The following TEX28 variants were observed in gnomAD, a reference collection of about 807,000 sequenced individuals.
TEX28 encodes testis expressed 28.
chrX:154,294,943 C>G (rs370038453), upstream of TEX28: 1 of 112,633 alleles, frequency 8.9e-6, no homozygotes, highest in East Asian at 2.8e-4. Flanking sequence ...AGAGACAGCA[C>G]TTGGGATCCG....
chrX:154,294,332 G>A (rs1557163137), upstream of TEX28, among the ~76,000 whole-genome samples: 1 of 101,169 alleles, frequency 9.9e-6, no homozygotes, highest in South Asian at 4.4e-4. Context: ...CTCCCAAAGT[G>A]CTGGGATTAC....
chrX:154,293,255 T>A (rs1217958491), upstream of TEX28, among the ~76,000 whole-genome samples: 7 of 50,152 alleles, frequency 1.4e-4, no homozygotes, highest in Non-Finnish European at 2.0e-4. Flanking sequence ...AAAAAAAAAG[T>A]AATCACTAGA....
At chrX:154,294,469 T>C (rs111764214), upstream of TEX28, among the ~76,000 whole-genome samples, 11,947 of 107,143 alleles carry the variant, frequency 0.11, 1,691 homozygotes, top group African/African-American at 0.38. Context: ...CGGATTCAAG[T>C]GATTCTCCTG....
At chrX:154,293,693 GA>G (rs1242545582), upstream of TEX28, among the ~76,000 whole-genome samples, 3 of 53,772 alleles carry the variant, frequency 5.6e-5, no homozygotes, top group Non-Finnish European at 8.9e-5. Context: ...AAGCAAACAA[GA>G]AAAAAAAAGG....
upstream of TEX28, among the ~76,000 whole-genome samples, chrX:154,294,611 G>A (rs1485992450): frequency 1.8e-5 from 2 of 108,707 alleles, no homozygotes; most frequent in African/African-American, 6.7e-5. Flanking sequence ...AGACCAACCT[G>A]GCCAACATGG....
chrX:154,294,213 G>A (rs1373676779), upstream of TEX28, among the ~76,000 whole-genome samples: 1 of 108,194 alleles, frequency 9.2e-6, no homozygotes, highest in African/African-American at 3.4e-5. Context: ...TGGGAGTACA[G>A]GTATGTGCCA....
chrX:154,294,587 A>C (rs1471059004), upstream of TEX28, among the ~76,000 whole-genome samples: 1 of 81,273 alleles, frequency 1.2e-5, no homozygotes, highest in East Asian at 4.2e-4. Flanking sequence ...AGATCACCTG[A>C]GGTCAGGAGT....
At chrX:154,294,630 C>T (rs144618437), upstream of TEX28, among the ~76,000 whole-genome samples, 11,421 of 108,556 alleles carry the variant, frequency 0.11, 625 homozygotes, top group South Asian at 0.43. Flanking sequence ...GGTGAAAACC[C>T]GTCTCTACTA....
upstream of TEX28, among the ~76,000 whole-genome samples, chrX:154,294,173 C>T (rs1557163094): frequency 9.6e-6 from 1 of 103,974 alleles, no homozygotes; most frequent in Non-Finnish European, 2.0e-5. Context: ...CAGGTACAAG[C>T]GATTCTCCTG....
upstream of TEX28, among the ~76,000 whole-genome samples, chrX:154,294,453 G>C (rs1394179187): frequency 9.4e-6 from 1 of 106,456 alleles, no homozygotes; most frequent in Non-Finnish European, 1.9e-5. Flanking sequence ...TGCAACCTCC[G>C]CTTCCCGGAT....
upstream of TEX28, chrX:154,295,005 T>G (rs1557163680): frequency 9.0e-6 from 1 of 111,678 alleles, no homozygotes; most frequent in Non-Finnish European, 1.9e-5. Flanking sequence ...TTGGGAGCCA[T>G]GCGAGTTCTG....
chrX:154,294,134 G>C (rs1234335821), upstream of TEX28, among the ~76,000 whole-genome samples: 2 of 96,941 alleles, frequency 2.1e-5, no homozygotes, highest in African/African-American at 3.8e-5. Context: ...GCAATGGCTC[G>C]ATCTTGGCTC....
upstream of TEX28, among the ~76,000 whole-genome samples, chrX:154,292,977 A>C (rs1339175001): frequency 2.8e-4 from 1 of 3,607 alleles, no homozygotes; most frequent in East Asian, 4.1e-3. Context: ...GGTGGCTCAC[A>C]GCTGTAATCC....
chrX:154,294,108 T>C (rs1393448996), upstream of TEX28, among the ~76,000 whole-genome samples: 4 of 94,070 alleles, frequency 4.3e-5, no homozygotes, highest in Admixed American at 4.7e-4. Context: ...TTTGCTCTTG[T>C]TGCCCAGGCT....
chrX:154,294,785 A>T (rs1423221018), upstream of TEX28, among the ~76,000 whole-genome samples: 6 of 109,344 alleles, frequency 5.5e-5, no homozygotes, highest in Non-Finnish European at 1.1e-4. Flanking sequence ...CTTGGGCGAC[A>T]GGGCGAGACT....
At chrX:154,294,521 G>T (rs1232356202), upstream of TEX28, among the ~76,000 whole-genome samples, 1 of 105,327 alleles carries the variant, frequency 9.5e-6, no homozygotes, top group African/African-American at 3.5e-5. Context: ...GCCCACCACC[G>T]CCTGGCATGG....
upstream of TEX28, among the ~76,000 whole-genome samples, chrX:154,294,082 T>C (rs1299732886): frequency 1.2e-5 from 1 of 85,012 alleles, no homozygotes; most frequent in African/African-American, 4.5e-5. Flanking sequence ...TTAAATTTTT[T>C]TTCTTGAGAC....
At chrX:154,294,802 CA>C (rs782269636), upstream of TEX28, among the ~76,000 whole-genome samples, 583 of 94,764 alleles carry the variant, frequency 6.2e-3, no homozygotes, top group African/African-American at 0.013. Context: ...GACTCCGTCT[CA>C]AAAAAAAAAA....
upstream of TEX28, among the ~76,000 whole-genome samples, chrX:154,294,422 A>G (rs1268428708): frequency 1.9e-5 from 2 of 106,193 alleles, no homozygotes; most frequent in Admixed American, 1.0e-4. Context: ...GCTGGAGTAC[A>G]GTGGCGCCAT....
Sources: gnomAD v4.1 joint callset for allele counts (sites outside exome capture counted in the v4.1 genomes callset) on GRCh38, gnomAD v4.1.1 for gene constraint, MANE v1.5 for transcripts, NCBI Gene and HGNC (gene_info 2026-07-23, HGNC 2026-07-21) for gene names.